Variants in PTPN4 observed in about 807,000 individuals in gnomAD.
PTPN4 encodes the protein tyrosine-protein phosphatase non-receptor type 4.
PTPN4 carries 49 observed loss-of-function variants against 135.5 expected under a neutral mutation model. The ratio of observed to expected loss-of-function variants is 0.36; its 90% CI spans 0.29 to 0.46. PTPN4 has a LOEUF of 0.46. Among genes scored for constraint, PTPN4 ranks in the 20% least tolerant of loss-of-function variants. The pLI is 1.00. For missense variants in PTPN4, 860 were observed against 1,101.0 expected, an observed-to-expected ratio of 0.78 and a Z score of 3.10; for synonymous variants, 333 against 369.9, an observed-to-expected ratio of 0.90 and a Z score of 1.14.
chr2:119,952,291 C>T (rs994855152), intron 19 of PTPN4, among the ~76,000 whole-genome samples, 162 bp downstream of exon 19: 8 of 151,646 alleles, frequency 5.3e-5, no homozygotes, highest in African/African-American at 1.9e-4. Context: ...AGTTCTTTGC[C>T]CCCCCACCCC....
chr2:119,858,093 A>G (rs1306013608), intron 2 of PTPN4, among the ~76,000 whole-genome samples: 2 of 152,212 alleles, frequency 1.3e-5, no homozygotes, highest in Non-Finnish European at 2.9e-5. Flanking sequence ...GCCTTCTGCC[A>G]TGATTGTAAG....
chr2:119,846,242 C>T (rs1677497224), intron 2 of PTPN4, among the ~76,000 whole-genome samples: 1 of 152,160 alleles, frequency 6.6e-6, no homozygotes, highest in Non-Finnish European at 1.5e-5. Context: ...TCTTTTATTT[C>T]CTTGCTGATC....
At chr2:119,888,566 A>G (rs1030888282) in intron 9 of PTPN4, among the ~76,000 whole-genome samples, 7 of 152,090 alleles carry the variant, frequency 4.6e-5, no homozygotes, top group African/African-American at 1.4e-4. Context: ...TGCTTTTACA[A>G]TGTCTTTTGA....
chr2:119,773,108 A>G (rs957402822), intron 1 of PTPN4, among the ~76,000 whole-genome samples: 6 of 152,064 alleles, frequency 3.9e-5, no homozygotes, highest in African/African-American at 1.4e-4. Flanking sequence ...ACATTTTTTC[A>G]TGTTTATTAA....
At chr2:119,934,993 T>C (rs1318445730) in intron 15 of PTPN4, 35 bp downstream of exon 15, 1 of 1,559,708 alleles carries the variant, frequency 6.4e-7, no homozygotes, top group Non-Finnish European at 8.7e-7. Context: ...CTCTGTATTT[T>C]CAAATGCCCC....
At chr2:119,913,760 A>T (rs1039342934) in intron 10 of PTPN4, among the ~76,000 whole-genome samples, 10 of 150,568 alleles carry the variant, frequency 6.6e-5, no homozygotes, top group African/African-American at 2.4e-4. Flanking sequence ...TGTTCCAGTT[A>T]AAAAAAAATC....
intron 5 of PTPN4, among the ~76,000 whole-genome samples, chr2:119,877,870 A>G (rs1678009015): frequency 1.3e-5 from 2 of 148,158 alleles, no homozygotes; most frequent in Non-Finnish European, 3.0e-5. Context: ...TATCCAAAGG[A>G]TGCTGTGTGG....
chr2:119,958,133 G>A (rs897760827), intron 22 of PTPN4, among the ~76,000 whole-genome samples: 1 of 151,616 alleles, frequency 6.6e-6, no homozygotes, highest in Non-Finnish European at 1.5e-5. Context: ...GTAAGCCTCG[G>A]CAACATATTG....
intron 1 of PTPN4, among the ~76,000 whole-genome samples, chr2:119,807,887 C>G (rs150006572): frequency 4.6e-5 from 7 of 152,112 alleles, no homozygotes; most frequent in South Asian, 4.1e-4. Context: ...AAGATCAAGT[C>G]GGCTTCATCC....
chr2:119,873,435 C>T (rs1049100158), intron 3 of PTPN4, among the ~76,000 whole-genome samples: 1 of 152,032 alleles, frequency 6.6e-6, no homozygotes, highest in Non-Finnish European at 1.5e-5. Flanking sequence ...TTTATTACTA[C>T]GTTTTGGCAG....
At chr2:119,877,594 AAAT>A in intron 5 of PTPN4, 52 bp downstream of exon 5, 1 of 1,538,164 alleles carries the variant, frequency 6.5e-7, no homozygotes. Flanking sequence ...CTCTAATATG[AAAT>A]TTTGAAATTA....
intron 16 of PTPN4, among the ~76,000 whole-genome samples, chr2:119,945,703 C>A (rs1405375935): frequency 6.6e-6 from 1 of 151,980 alleles, no homozygotes; most frequent in East Asian, 1.9e-4. Flanking sequence ...GTGAAATATC[C>A]AAAACAGTCA....
intron 11 of PTPN4, among the ~76,000 whole-genome samples, chr2:119,918,283 G>T (rs1179096900): frequency 1.3e-5 from 2 of 152,142 alleles, no homozygotes; most frequent in Non-Finnish European, 1.5e-5. Context: ...TGATGGGCAA[G>T]AATTTCTTTA....
At chr2:119,813,668 G>C (rs1468898675) in intron 2 of PTPN4, among the ~76,000 whole-genome samples, 1 of 152,192 alleles carries the variant, frequency 6.6e-6, no homozygotes, top group Non-Finnish European at 1.5e-5. Flanking sequence ...TATTTGTCAA[G>C]GTTGTCACAG....
chr2:119,977,697 T>C lies in PTPN4; in HGVS notation c.*627T>C, dbSNP rs1292294109. ...CAGCATCTTATAGAAAATATAAATATGAATCTACAAATTCTCTTGGATTTA... is the reference window on the plus strand; with the variant it reads ...CAGCATCTTATAGAAAATATAAATACGAATCTACAAATTCTCTTGGATTTA... On this transcript the variant is annotated 3_prime_UTR_variant, in exon 27 of 27. Transcript: ENST00000263708. 6.6e-6 allele frequency: 1 copy of C among 152,112 alleles called. No individual in the cohort carries two copies. The highest frequency in any genetic ancestry group is 6.6e-5 in the Admixed American group (1 of 15,266). The allele number at this position is 152,112 out of a possible 1,614,324, so 9.4% of individuals were successfully genotyped here. A position where few individuals can be genotyped will look rare whatever the true frequency, so the allele number is the denominator to read the frequency against.
At chr2:119,876,223 A>G (rs955150979) in intron 3 of PTPN4, among the ~76,000 whole-genome samples, 1 of 152,198 alleles carries the variant, frequency 6.6e-6, no homozygotes, top group African/African-American at 2.4e-5. Context: ...GTGTTAATCA[A>G]ATGAGTGACA....
At chr2:119,873,211 G>A (rs1005945959) in intron 3 of PTPN4, among the ~76,000 whole-genome samples, 2 of 151,470 alleles carry the variant, frequency 1.3e-5, no homozygotes, top group Non-Finnish European at 2.9e-5. Flanking sequence ...TTGTAGAGAC[G>A]TGGTCTTGCC....
chr2:119,845,406 T>C (rs1283279261), intron 2 of PTPN4, among the ~76,000 whole-genome samples: 9 of 152,322 alleles, frequency 5.9e-5, no homozygotes, highest in East Asian at 1.9e-4. Flanking sequence ...TCTTTACTTA[T>C]GATAGGTATA....
intron 2 of PTPN4, among the ~76,000 whole-genome samples, chr2:119,855,809 A>G (rs886334250): frequency 6.6e-6 from 1 of 150,906 alleles, no homozygotes; most frequent in African/African-American, 2.4e-5. Context: ...TTTATTTATT[A>G]TTATTTTTTT....
Sources: gnomAD v4.1 joint callset for allele counts (sites outside exome capture counted in the v4.1 genomes callset) on GRCh38, gnomAD v4.1.1 for gene constraint, MANE v1.5 for transcripts, NCBI Gene and HGNC (gene_info 2026-07-23, HGNC 2026-07-21) for gene names.